CHST15: variants seen among roughly 807,000 people sequenced by gnomAD.
CHST15 encodes the protein B cell RAG associated protein (GALNAC4S-6ST).
In CHST15, 30 loss-of-function variants were observed where a neutral mutation model predicts 53.6. The observed-to-expected ratio is 0.56, with a 90% CI of 0.42 to 0.76. The LOEUF (loss-of-function observed/expected upper bound fraction) is 0.76, where lower values mean the gene tolerates loss of function less well. CHST15 is among the 30% of genes least tolerant of loss of function. CHST15 has a pLI of 0.00. For synonymous variants in CHST15, 296 were observed against 289.8 expected, an observed-to-expected ratio of 1.02 and a Z score of -0.22; for missense variants, 627 against 740.5, an observed-to-expected ratio of 0.85 and a Z score of 1.78.
chr10:124,069,242 G>C (rs1049893362), intron 1 of CHST15, among the ~76,000 whole-genome samples: 3 of 152,226 alleles, frequency 2.0e-5, no homozygotes, highest in Non-Finnish European at 4.4e-5. Flanking sequence ...TGAATATAGA[G>C]AGGATGGGTT....
At chr10:124,028,040 A>G (rs987013811) in intron 5 of CHST15, among the ~76,000 whole-genome samples, 2 of 152,266 alleles carry the variant, frequency 1.3e-5, no homozygotes, top group Admixed American at 1.3e-4. Flanking sequence ...GAACTACTTA[A>G]TAAGTCACAG....
chr10:124,026,213 T>C (rs1590205671), intron 5 of CHST15, among the ~76,000 whole-genome samples: 1 of 152,188 alleles, frequency 6.6e-6, no homozygotes, highest in Non-Finnish European at 1.5e-5. Context: ...ACAGGAGCAC[T>C]TCCCTTCAGG....
chr10:124,075,844 C>T (rs79386972), intron 1 of CHST15, among the ~76,000 whole-genome samples: 1,857 of 152,270 alleles, frequency 0.012, 37 homozygotes, highest in African/African-American at 0.043. Flanking sequence ...AAAGGAGTCC[C>T]GGGCCCTTCC....
At chr10:124,018,491 G>C (rs1346331930) in intron 6 of CHST15, among the ~76,000 whole-genome samples, 2 of 152,254 alleles carry the variant, frequency 1.3e-5, no homozygotes, top group Non-Finnish European at 2.9e-5. Context: ...CATGCACTGG[G>C]GGAGACACAG....
At chr10:124,020,226 T>C (rs893388932) in intron 6 of CHST15, 1 of 985,502 alleles carries the variant, frequency 1.0e-6, no homozygotes, top group African/African-American at 1.7e-5. Flanking sequence ...TACCCCATTG[T>C]ATGACAAAGC....
At chr10:124,047,955 C>G (rs1354475958) in intron 1 of CHST15, among the ~76,000 whole-genome samples, 1 of 152,184 alleles carries the variant, frequency 6.6e-6, no homozygotes, top group Non-Finnish European at 1.5e-5. Flanking sequence ...TCAAACAACC[C>G]TCACTGTCTC....
intron 1 of CHST15, among the ~76,000 whole-genome samples, chr10:124,067,789 G>C (rs1380562830): frequency 1.3e-5 from 2 of 152,054 alleles, no homozygotes; most frequent in East Asian, 3.9e-4. Flanking sequence ...GCTAATTTTT[G>C]TATTTTTAGT....
chr10:124,049,485 A>G (rs1948118794), intron 1 of CHST15, among the ~76,000 whole-genome samples: 1 of 152,218 alleles, frequency 6.6e-6, no homozygotes, highest in South Asian at 2.1e-4. Context: ...CGGGTAGGGA[A>G]TAAGGGCTGC....
intron 1 of CHST15, among the ~76,000 whole-genome samples, chr10:124,047,460 TA>T (rs1266847744): frequency 6.6e-6 from 1 of 152,198 alleles, no homozygotes; most frequent in East Asian, 1.9e-4. Flanking sequence ...ATATGATTCT[TA>T]AAAACCCATT....
At chr10:124,020,344 C>T in intron 6 of CHST15, 1 of 985,464 alleles carries the variant, frequency 1.0e-6, no homozygotes. Context: ...GTGTACTCCT[C>T]CTACCTGGCA....
chr10:124,032,768 C>G (rs1947272142), intron 5 of CHST15, among the ~76,000 whole-genome samples: 1 of 150,794 alleles, frequency 6.6e-6, no homozygotes, highest in Non-Finnish European at 1.5e-5. Flanking sequence ...GCCATATGAA[C>G]CATCCCATCC....
At chr10:124,060,285 G>A (rs80311901) in intron 1 of CHST15, among the ~76,000 whole-genome samples, 2 of 150,072 alleles carry the variant, frequency 1.3e-5, no homozygotes, top group East Asian at 4.0e-4. Flanking sequence ...CCTCCCCCAG[G>A]AGTGAGTGTG....
At chr10:124,040,669 C>A (rs1258079664) in intron 4 of CHST15, among the ~76,000 whole-genome samples, 1 of 152,088 alleles carries the variant, frequency 6.6e-6, no homozygotes, top group Non-Finnish European at 1.5e-5. Flanking sequence ...TGACCTGGTC[C>A]AACAATCCCA....
intron 4 of CHST15, among the ~76,000 whole-genome samples, chr10:124,042,013 A>G (rs1203579394): frequency 2.0e-5 from 3 of 152,266 alleles, no homozygotes; most frequent in Non-Finnish European, 4.4e-5. Flanking sequence ...TCCCTGCTTA[A>G]TTTCTTAAAA....
chr10:124,056,460 T>A (rs975147039), intron 1 of CHST15, among the ~76,000 whole-genome samples: 2 of 152,092 alleles, frequency 1.3e-5, no homozygotes, highest in Non-Finnish European at 2.9e-5. Context: ...GAAAGTGTGC[T>A]AGGAGACAGG....
chr10:124,054,230 A>C (rs1253109193), intron 1 of CHST15, among the ~76,000 whole-genome samples: 5 of 152,184 alleles, frequency 3.3e-5, no homozygotes, highest in Admixed American at 6.5e-5. Context: ...TGACTGGGAC[A>C]CATCACCCGT....
chr10:124,044,872 G>A lies in CHST15; in HGVS notation c.594C>T (p.Pro198=), dbSNP rs1055958537. The change falls in exon 3 of 8, where the codon CCC becomes CCT. Residue 198 remains proline (P), a synonymous_variant. Transcript: ENST00000435907. ...GCCCCGAGAACTCCTCGTACCAACA[G>A]GGGCTCTTACTGTTTGGAAGGAATT... is the stretch of plus-strand genomic sequence containing the variant. The part of the protein sequence containing the change: ...PNKFLPNSKS[P]CWYEEFSGQN... 2.0e-6 allele frequency: 3 copies of A among 1,479,452 alleles called. No homozygotes were observed. The highest frequency in any genetic ancestry group is 1.8e-6 in the Non-Finnish European group (2 of 1,113,190). The allele number at this position is 1,479,452 out of a possible 1,614,324, so 91.6% of individuals were successfully genotyped here.
At chr10:124,081,716 G>A (rs1341712300) in intron 1 of CHST15, among the ~76,000 whole-genome samples, 1 of 152,182 alleles carries the variant, frequency 6.6e-6, no homozygotes, top group African/African-American at 2.4e-5. Flanking sequence ...AACGCTGGAA[G>A]GACCAGCCTG....
chr10:124,008,449 C>T lies in CHST15; in HGVS notation c.*1700G>A, dbSNP rs979041233. 39 of 991,916 alleles carry T rather than the reference C, an allele frequency of 3.9e-5. No homozygotes were observed. The highest frequency in any genetic ancestry group is 5.2e-4 in the Middle Eastern group (1 of 1,930). 61.4% of individuals were successfully genotyped at this position (991,916 alleles called of 1,614,324 possible). A position where few individuals can be genotyped will look rare whatever the true frequency, so the allele number is the denominator to read the frequency against. On this transcript the variant is annotated 3_prime_UTR_variant, in exon 8 of 8. Transcript: ENST00000435907. The stretch of plus-strand genomic sequence containing the variant: ...TGCTCAGGCCAGATTTCCCTGCTGG[C>T]GGCTGCTCCCAGTGCCGGCTATAGA...
Sources: gnomAD v4.1 joint callset for allele counts (sites outside exome capture counted in the v4.1 genomes callset) on GRCh38, gnomAD v4.1.1 for gene constraint, MANE v1.5 for transcripts, NCBI Gene and HGNC (gene_info 2026-07-23, HGNC 2026-07-21) for gene names.